The following IGF1R variants were observed in gnomAD, a reference collection of about 807,000 sequenced individuals.
IGF1R encodes insulin-like growth factor 1 receptor.
Under a neutral mutation model 144.6 loss-of-function variants are expected in IGF1R, and 44 were observed. That is an observed-to-expected ratio of 0.30 (90% CI 0.24 to 0.39). The LOEUF (loss-of-function observed/expected upper bound fraction) is 0.39, where lower values mean the gene tolerates loss of function less well. Among genes scored for constraint, IGF1R ranks in the 10% least tolerant of loss-of-function variants. The pLI is 1.00. For missense variants in IGF1R, 1,355 were observed against 1,833.7 expected, an observed-to-expected ratio of 0.74 and a Z score of 4.77; for synonymous variants, 795 against 722.8, an observed-to-expected ratio of 1.10 and a Z score of -1.60.
chr15:98,770,839 A>G (rs2055567325), intron 2 of IGF1R, among the ~76,000 whole-genome samples: 1 of 152,150 alleles, frequency 6.6e-6, no homozygotes. Flanking sequence ...AGTGTCCACC[A>G]TGTCAAAATT....
chr15:98,683,360 T>C (rs1483641744), intron 1 of IGF1R, among the ~76,000 whole-genome samples: 1 of 152,218 alleles, frequency 6.6e-6, no homozygotes, highest in Non-Finnish European at 1.5e-5. Context: ...CACGATCTGA[T>C]GTTCTCCAGT....
intron 2 of IGF1R, among the ~76,000 whole-genome samples, chr15:98,743,859 A>G (rs973060208): frequency 6.6e-6 from 1 of 152,176 alleles, no homozygotes; most frequent in African/African-American, 2.4e-5. Flanking sequence ...CAGAGAGAGT[A>G]GGAAGTAAAA....
intron 1 of IGF1R, among the ~76,000 whole-genome samples, chr15:98,688,420 G>GTGTGTGTA (rs1350623921): frequency 7.7e-5 from 8 of 104,352 alleles, no homozygotes; most frequent in African/African-American, 4.4e-4. Context: ...ACACCTGTGT[G>GTGTGTGTA]TGTGTGTGTG....
intron 2 of IGF1R, among the ~76,000 whole-genome samples, chr15:98,728,019 T>TG (rs1567097547): frequency 6.6e-6 from 1 of 150,688 alleles, no homozygotes; most frequent in African/African-American, 2.4e-5. Flanking sequence ...TTTTTTTTTT[T>TG]TTTTTTTTTT....
At chr15:98,941,510 G>A (rs747739890) in intron 18 of IGF1R, among the ~76,000 whole-genome samples, 4 of 152,178 alleles carry the variant, frequency 2.6e-5, no homozygotes, top group Non-Finnish European at 5.9e-5. Context: ...GAGGAAGGTC[G>A]TTTGTGTTTT....
chr15:98,797,144 T>G (rs551334084), intron 2 of IGF1R, among the ~76,000 whole-genome samples: 1 of 152,254 alleles, frequency 6.6e-6, no homozygotes, highest in Non-Finnish European at 1.5e-5. Context: ...ACAGCAGCAC[T>G]GATAAATGCC....
chr15:98,852,909 T>C (rs1179234606), intron 2 of IGF1R, among the ~76,000 whole-genome samples: 3 of 152,260 alleles, frequency 2.0e-5, no homozygotes, highest in African/African-American at 7.2e-5. Flanking sequence ...CACAGCATAC[T>C]GTTCTCAGGC....
At chr15:98,902,461 A>T (rs1456063245) in intron 5 of IGF1R, among the ~76,000 whole-genome samples, 2 of 125,304 alleles carry the variant, frequency 1.6e-5, no homozygotes, top group Non-Finnish European at 3.1e-5. Context: ...TGTGTCGCCC[A>T]GGCTGGAGTG....
Position 98,957,117 on chromosome 15 carries a change from T to C in IGF1R, c.3779T>C (p.Leu1260Pro). The C allele has an allele frequency of 1.2e-6, 2 of 1,614,212 alleles. No individual in the cohort carries two copies. The highest frequency in any genetic ancestry group is 1.7e-6 in the Non-Finnish European group (2 of 1,180,026). Residue 1260 changes from leucine (L) to proline (P), a missense_variant, in exon 21 of 21, where the codon CTG becomes CCG. Leu to Pro is a moderately conservative substitution (Grantham distance 98). Coordinates refer to ENST00000650285, the MANE Select transcript of IGF1R (RefSeq NM_000875.5). ...AACCCCAAGATGAGGCCTTCCTTCC[T>C]GGAGATCATCAGCAGCATCAAAGAG... ...QYNPKMRPSF[L>P]EIISSIKEEM... is the part of the protein sequence containing the mutation.
chr15:98,810,721 C>T (rs943233711), intron 2 of IGF1R, among the ~76,000 whole-genome samples: 13 of 151,196 alleles, frequency 8.6e-5, no homozygotes, highest in African/African-American at 1.7e-4. Flanking sequence ...GCTTATTTTT[C>T]GTATTTTTAG....
chr15:98,759,601 G>T (rs2055242850), intron 2 of IGF1R, among the ~76,000 whole-genome samples: 1 of 152,216 alleles, frequency 6.6e-6, no homozygotes, highest in East Asian at 1.9e-4. Flanking sequence ...GGAAATTGTT[G>T]CTATGCATGT....
chr15:98,687,103 G>C (rs2053348366), intron 1 of IGF1R, among the ~76,000 whole-genome samples: 1 of 152,224 alleles, frequency 6.6e-6, no homozygotes, highest in African/African-American at 2.4e-5. Context: ...AAGAGCAACT[G>C]ATTACTTCCT....
At chr15:98,783,670 C>T (rs1206464399) in intron 2 of IGF1R, among the ~76,000 whole-genome samples, 1 of 152,110 alleles carries the variant, frequency 6.6e-6, no homozygotes, top group Non-Finnish European at 1.5e-5. Context: ...TGCTCATTGC[C>T]AGTATATAGA....
At chr15:98,776,922 A>T (rs528543500) in intron 2 of IGF1R, among the ~76,000 whole-genome samples, 1 of 152,232 alleles carries the variant, frequency 6.6e-6, no homozygotes, top group Non-Finnish European at 1.5e-5. Context: ...AGAGCTGGAC[A>T]CAGGTGCTTA....
At chr15:98,870,073 A>G (rs1405492335) in intron 2 of IGF1R, among the ~76,000 whole-genome samples, 1 of 152,238 alleles carries the variant, frequency 6.6e-6, no homozygotes, top group Non-Finnish European at 1.5e-5. Flanking sequence ...GTAAACCTAA[A>G]AGTAAGTCTT....
At chr15:98,702,033 G>GTTTTTTTTTTTTTTTTTTTTTTTTTTTTT (rs35793845) in intron 1 of IGF1R, among the ~76,000 whole-genome samples, 1 of 108,714 alleles carries the variant, frequency 9.2e-6, no homozygotes, top group African/African-American at 3.6e-5. Flanking sequence ...GAGTCACGCT[G>GTTTTTTTTTTTTTTTTTTTTTTTTTTTTT]TTTTTTTTTT....
At chr15:98,851,376 A>T (rs1309937366) in intron 2 of IGF1R, among the ~76,000 whole-genome samples, 1 of 152,142 alleles carries the variant, frequency 6.6e-6, no homozygotes, top group Non-Finnish European at 1.5e-5. Flanking sequence ...TTCAGCTTGG[A>T]CAGTCTGGCT....
chr15:98,940,252 A>C (rs2016315565), intron 18 of IGF1R, among the ~76,000 whole-genome samples: 2 of 152,272 alleles, frequency 1.3e-5, no homozygotes. Flanking sequence ...AACACCCAAA[A>C]GAAGCTATTT....
chr15:98,649,753 G>C (rs966867664), intron 1 of IGF1R, 78 bp downstream of exon 1: 1 of 1,109,990 alleles, frequency 9.0e-7, no homozygotes. Flanking sequence ...CGAAACCCGA[G>C]TTGCCACCGT....
Sources: allele counts gnomAD v4.1 joint callset (sites outside exome capture counted in the v4.1 genomes callset), GRCh38; gene constraint gnomAD v4.1.1; transcripts MANE v1.5; gene names NCBI Gene and HGNC (gene_info 2026-07-23, HGNC 2026-07-21).